Variants in CADM2 observed in about 807,000 individuals in gnomAD.
CADM2 encodes the protein cell adhesion molecule 2.
In CADM2, 12 loss-of-function variants were observed where a neutral mutation model predicts 49.8. The observed-to-expected ratio is 0.24, with a 90% CI of 0.15 to 0.39. CADM2 has a LOEUF of 0.39. CADM2 is among the 10% of genes least tolerant of loss of function. CADM2 has a pLI of 1.00. For missense variants in CADM2, 378 were observed against 492.3 expected (o/e 0.77, Z 2.20); for synonymous variants, 214 against 175.4 (o/e 1.22, Z -1.74).
intron 1 of CADM2, among the ~76,000 whole-genome samples, chr3:85,142,070 C>G (rs138053277): frequency 3.3e-4 from 50 of 152,366 alleles, no homozygotes; most frequent in African/African-American, 1.1e-3. Context: ...CACATAGTTA[C>G]ACCTCACTTC....
intron 1 of CADM2, among the ~76,000 whole-genome samples, chr3:85,051,574 C>T (rs1309481198): frequency 6.6e-6 from 1 of 152,076 alleles, no homozygotes; most frequent in African/African-American, 2.4e-5. Context: ...CTTAAGAAGA[C>T]TACTAATGGT....
chr3:85,098,004 G>T (rs1575856949), intron 1 of CADM2, among the ~76,000 whole-genome samples: 1 of 152,134 alleles, frequency 6.6e-6, no homozygotes, highest in South Asian at 2.1e-4. Flanking sequence ...TGGGGAAAAT[G>T]GAATTGTAAA....
chr3:85,068,090 A>G (rs1043692500), intron 1 of CADM2, among the ~76,000 whole-genome samples: 8 of 152,176 alleles, frequency 5.3e-5, no homozygotes, highest in African/African-American at 1.9e-4. Flanking sequence ...TTCTCTAGAC[A>G]CTATTTTTAA....
intron 1 of CADM2, among the ~76,000 whole-genome samples, chr3:84,974,647 G>C (rs191775123): frequency 6.6e-6 from 1 of 151,736 alleles, no homozygotes. Flanking sequence ...GCATAGCTTT[G>C]GTTTCCTAGT....
At chr3:85,758,548 T>G in intron 2 of CADM2, among the ~76,000 whole-genome samples, 1 of 152,174 alleles carries the variant, frequency 6.6e-6, no homozygotes, top group East Asian at 1.9e-4. Flanking sequence ...ACAGACAAAT[T>G]TATTCATACA....
intron 1 of CADM2, among the ~76,000 whole-genome samples, chr3:85,679,870 A>G (rs2065991449): frequency 6.6e-6 from 1 of 152,130 alleles, no homozygotes; most frequent in African/African-American, 2.4e-5. Flanking sequence ...TTTCCTCTCT[A>G]TTGGGTATTA....
At chr3:85,094,729 A>C (rs1378770438) in intron 1 of CADM2, among the ~76,000 whole-genome samples, 1 of 152,194 alleles carries the variant, frequency 6.6e-6, no homozygotes, top group Non-Finnish European at 1.5e-5. Flanking sequence ...GAATTATAAT[A>C]ACTTTGTACC....
At chr3:85,467,883 T>C (rs140673222) in intron 1 of CADM2, among the ~76,000 whole-genome samples, 245 of 152,244 alleles carry the variant, frequency 1.6e-3, no homozygotes, top group Non-Finnish European at 2.8e-3. Flanking sequence ...TGTTATAACA[T>C]TGAGGCAGCG....
intron 1 of CADM2, among the ~76,000 whole-genome samples, chr3:85,121,802 A>T (rs951148691): frequency 1.7e-4 from 26 of 152,238 alleles, no homozygotes; most frequent in African/African-American, 5.8e-4. Flanking sequence ...CCTCCTACTC[A>T]ATCATATTTT....
chr3:85,884,993 CA>C (rs1376652165), intron 4 of CADM2, among the ~76,000 whole-genome samples: 98 of 150,266 alleles, frequency 6.5e-4, no homozygotes, highest in African/African-American at 2.4e-3. Context: ...GTTGGGATTA[CA>C]AGGGATGAGC....
At chr3:85,271,782 C>T (rs1206372776) in intron 1 of CADM2, among the ~76,000 whole-genome samples, 1 of 150,820 alleles carries the variant, frequency 6.6e-6, no homozygotes, top group Admixed American at 6.6e-5. Context: ...TAAGACAAAA[C>T]CCAAAAATAA....
intron 1 of CADM2, among the ~76,000 whole-genome samples, chr3:85,621,140 G>A (rs923684081): frequency 7.9e-5 from 12 of 151,996 alleles, no homozygotes; most frequent in African/African-American, 1.9e-4. Flanking sequence ...TAACAAAGAC[G>A]CACAATTATT....
chr3:85,739,936 T>C (rs2068308600), intron 2 of CADM2, among the ~76,000 whole-genome samples: 1 of 152,150 alleles, frequency 6.6e-6, no homozygotes, highest in Admixed American at 6.5e-5. Context: ...TAGAGTAATA[T>C]GCAAAGTGCA....
At chr3:85,452,084 A>C (rs528219016) in intron 1 of CADM2, among the ~76,000 whole-genome samples, 2 of 152,240 alleles carry the variant, frequency 1.3e-5, no homozygotes, top group East Asian at 3.9e-4. Flanking sequence ...CCGTCGCTCA[A>C]ATAATATATT....
At chr3:85,094,121 C>A (rs1398588763) in intron 1 of CADM2, among the ~76,000 whole-genome samples, 1 of 152,034 alleles carries the variant, frequency 6.6e-6, no homozygotes, top group African/African-American at 2.4e-5. Context: ...CACTTCTCAG[C>A]CGAGCCAATA....
rs1177561638 is a variant in CADM2, at chr3:85,114,880, G to A, written c.61+155212G>A. Among the ~76,000 whole-genome samples, 4 of 152,080 alleles carry A rather than the reference G, an allele frequency of 2.6e-5. No homozygotes were observed. In the East Asian group the frequency reaches 7.7e-4, roughly 29 times the overall value. ...ACCATTTATTATGTTAAAGGGAAAG[G>A]ATTAAGGGAGATCTAGATCTTAGTT... On this transcript the variant is annotated intron_variant, in intron 1 of 9. Coordinates refer to ENST00000383699, the MANE Select transcript of CADM2 (RefSeq NM_001167675.2).
At chr3:85,937,251 A>G (rs906296723) in intron 7 of CADM2, among the ~76,000 whole-genome samples, 3 of 151,986 alleles carry the variant, frequency 2.0e-5, no homozygotes, top group East Asian at 1.9e-4. Context: ...ATAATCTTGG[A>G]TGTGTAATAA....
chr3:85,144,580 C>A (rs1247933009), intron 1 of CADM2, among the ~76,000 whole-genome samples: 7 of 148,184 alleles, frequency 4.7e-5, no homozygotes, highest in Non-Finnish European at 8.9e-5. Flanking sequence ...CCACTGCACT[C>A]CTGCCTGGGT....
intron 7 of CADM2, among the ~76,000 whole-genome samples, chr3:85,938,151 C>T (rs574702074): frequency 1.7e-4 from 26 of 152,110 alleles, no homozygotes; most frequent in African/African-American, 4.6e-4. Flanking sequence ...CAGTAACTGT[C>T]TTCTCCATTA....
Sources: allele counts gnomAD v4.1 joint callset (sites outside exome capture counted in the v4.1 genomes callset), GRCh38; gene constraint gnomAD v4.1.1; transcripts MANE v1.5; gene names NCBI Gene and HGNC (gene_info 2026-07-23, HGNC 2026-07-21).